The following NPHP3 variants were observed in gnomAD, a reference collection of about 807,000 sequenced individuals.
NPHP3 encodes nephrocystin-3.
Under a neutral mutation model 171.9 loss-of-function variants are expected in NPHP3, and 123 were observed. That is an observed-to-expected ratio of 0.72 (90% confidence interval 0.62 to 0.83). NPHP3 has a LOEUF of 0.83. NPHP3 is among the 40% of genes least tolerant of loss of function. The pLI is 0.00. For missense variants in NPHP3, 1,506 were observed against 1,591.9 expected (o/e 0.95, Z 0.92); for synonymous variants, 558 against 579.2 (o/e 0.96, Z 0.52).
At chr3:132,718,170 G>A in intron 3 of NPHP3, 1 of 429,054 alleles carries the variant, frequency 2.3e-6, no homozygotes, top group Non-Finnish European at 4.6e-6. Context: ...ACTCCAAAAT[G>A]CATCCATTTG....
rs1286115861 is a variant in NPHP3 at position 132,692,717 on chromosome 3, G to A, written c.2412C>T (p.His804=). ...MSWTFLTSLI[H]SLYKMCLLTY... The stretch of plus-strand genomic sequence containing the variant: ...TCAACAAACACATTTTGTATAAACT[G>A]TGAATAAGGGAGGTCAAGAAAGTCC... The change falls in exon 17 of 27, where the codon CAC becomes CAT. Residue 804 remains histidine (H), a synonymous_variant. Transcript: ENST00000337331. 1 of 1,613,876 alleles carries A rather than the reference G, an allele frequency of 6.2e-7. No homozygotes were observed. The highest frequency in any genetic ancestry group is 8.5e-7 in the Non-Finnish European group (1 of 1,179,904).
chr3:132,702,070 C>A (rs75934653), intron 9 of NPHP3, among the ~76,000 whole-genome samples: 4,305 of 152,174 alleles, frequency 0.028, 209 homozygotes, highest in African/African-American at 0.098. Context: ...GCCCCAATTT[C>A]TTCTACATGT....
Position 132,722,302 on chromosome 3 carries a change from G to A in NPHP3, c.54C>T (p.Asp18=). The change falls in exon 1 of 27, where the codon GAC becomes GAT. Residue 18 remains aspartate (D), a synonymous_variant. Coordinates refer to ENST00000337331, the MANE Select transcript of NPHP3 (RefSeq NM_153240.5). ...CCTCGCCGCCGCCCGCCCCGTACGT[G>A]TCCTCGATCACTTCCCCGCCCGCGG... ...VSPAGGEVIE[D]TYGAGGGEAC... 1 of 1,581,614 alleles carries A rather than the reference G, an allele frequency of 6.3e-7. No individual in the cohort carries two copies. The highest frequency in any genetic ancestry group is 8.5e-7 in the Non-Finnish European group (1 of 1,172,862).
At position 132,719,045 on chromosome 3, in the gene NPHP3, C is replaced by A; in HGVS notation, c.619G>T (p.Val207Leu). The A allele has an allele frequency of 6.2e-7, 1 of 1,614,068 alleles. No homozygotes were observed. Among genetic ancestry groups the A allele is most frequent in the South Asian group, 1.1e-5 (1 of 91,078 alleles). The change falls in exon 3 of 27, where the codon GTA becomes TTA. Residue 207 changes from valine (V) to leucine (L), a missense_variant. Val to Leu is a conservative substitution (Grantham distance 32). Coordinates refer to ENST00000337331, the MANE Select transcript of NPHP3 (RefSeq NM_153240.5). ...LQRLQAQGIQ[V>L]FDPGESDSDD... The stretch of plus-strand genomic sequence containing the variant: ...GAATCAGACTCCCCAGGATCAAATA[C>A]TTGGATACCCTGAGCCTGTAGCCTC...
chr3:132,716,788 A>T lies in NPHP3; in HGVS notation c.792T>A (p.Asp264Glu), dbSNP rs1940063604. 1 of 1,614,032 alleles carries T rather than the reference A, an allele frequency of 6.2e-7. No individual in the cohort carries two copies. Among genetic ancestry groups the T allele is most frequent in the Non-Finnish European group, 8.5e-7 (1 of 1,180,010 alleles). Residue 264 changes from aspartate to glutamate, a missense_variant, in exon 4 of 27, where the codon GAT (aspartate) becomes GAA (glutamate). By Grantham distance (45) the Asp-to-Glu change is conservative. Around this residue, in one of 3 missense-constraint regions of NPHP3, gnomAD observed 930 missense variants for 924.9 expected, o/e 1.01. Coordinates refer to ENST00000337331, the MANE Select transcript of NPHP3 (RefSeq NM_153240.5). ...RGPEFAHSSIDVEGPFANVNR... is the reference protein window; with the variant it reads ...RGPEFAHSSIEVEGPFANVNR... ...TAACATTTGCAAAGGGTCCTTCCAC[A>T]TCTATAGAACTATGGGCAAACTCAG...
intron 23 of NPHP3, 32 bp downstream of exon 23, chr3:132,686,228 A>G: frequency 6.2e-7 from 1 of 1,606,456 alleles, no homozygotes; most frequent in South Asian, 1.1e-5. Context: ...AAAATGGTTA[A>G]TTATTTTCAT....
At chr3:132,709,272 CTTTTTTTTTTTT>C (rs3046397) in intron 6 of NPHP3, among the ~76,000 whole-genome samples, 1 of 75,966 alleles carries the variant, frequency 1.3e-5, no homozygotes, top group African/African-American at 5.5e-5. Flanking sequence ...CTTTCTCTCC[CTTTTTTTTTTTT>C]TTTTTTTTTT....
chr3:132,705,678 A>G, intron 8 of NPHP3, 62 bp downstream of exon 8: 1 of 923,520 alleles, frequency 1.1e-6, no homozygotes, highest in Non-Finnish European at 1.8e-6. Flanking sequence ...TGGAAAAATC[A>G]ATTTCATAGA....
chr3:132,721,540 G>T, intron 1 of NPHP3: 1 of 314,478 alleles, frequency 3.2e-6, no homozygotes, highest in Non-Finnish European at 6.3e-6. Context: ...GCCTTCTGAG[G>T]GGGTGGGCGC....
At chr3:132,701,576 T>C in intron 9 of NPHP3, 43 bp from the exon 10 acceptor site, 1 of 1,220,444 alleles carries the variant, frequency 8.2e-7, no homozygotes, top group Non-Finnish European at 1.2e-6. Context: ...AGCACATGCC[T>C]CTGAGACTAC....
Position 132,681,725 on chromosome 3 carries a change from C to A in NPHP3, c.*185G>T. ...CATATAATAGGAAAATTCTTTTAAA[C>A]AACTAAAACAGACATAATCACAATT... On this transcript the variant is annotated 3_prime_UTR_variant, in exon 27 of 27. Coordinates refer to ENST00000337331, the MANE Select transcript of NPHP3 (RefSeq NM_153240.5). 1 of 624,556 alleles carries A rather than the reference C, an allele frequency of 1.6e-6. No individual in the cohort carries two copies. Among genetic ancestry groups the A allele is most frequent in the South Asian group, 1.9e-5 (1 of 52,828 alleles). 38.7% of individuals were successfully genotyped at this position (624,556 alleles called of 1,614,324 possible). A position where few individuals can be genotyped will look rare whatever the true frequency, so the allele number is the denominator to read the frequency against.
Position 132,681,753 on chromosome 3 carries a change from A to T in NPHP3, c.*157T>A. On this transcript the variant is annotated 3_prime_UTR_variant, in exon 27 of 27. Coordinates refer to ENST00000337331, the MANE Select transcript of NPHP3 (RefSeq NM_153240.5). Reference sequence around the variant, plus strand: ...CTAAAACAGACATAATCACAATTCCAACTTAATGTAATCCAATACAACTTC... The same window carrying T: ...CTAAAACAGACATAATCACAATTCCTACTTAATGTAATCCAATACAACTTC... 1.4e-6 allele frequency: 1 copy of T among 692,226 alleles called. No homozygotes were observed. The highest frequency in any genetic ancestry group is 1.7e-5 in the South Asian group (1 of 58,690). 42.9% of individuals were successfully genotyped at this position (692,226 alleles called of 1,614,324 possible).
Position 132,688,783 on chromosome 3 carries a change from A to T in NPHP3, c.2992T>A (p.Trp998Arg), listed in dbSNP as rs1289028401. 1.2e-6 allele frequency: 2 copies of T among 1,614,074 alleles called. No homozygotes were observed. The highest frequency in any genetic ancestry group is 1.7e-6 in the Non-Finnish European group (2 of 1,179,982). Residue 998 changes from tryptophan to arginine, a missense_variant, in exon 21 of 27, where the codon TGG becomes AGG. Trp to Arg is a moderately radical substitution (Grantham distance 101, BLOSUM62 -3). This residue lies in a region of NPHP3 where 569 missense variants were observed against 648.1 expected (regional missense o/e 0.88). Coordinates refer to ENST00000337331, the MANE Select transcript of NPHP3 (RefSeq NM_153240.5). ...LHQLASVYVQWKKFGNAEQLY... is the reference protein window; with the variant it reads ...LHQLASVYVQRKKFGNAEQLY... ...TGTTCTGCATTGCCAAACTTCTTCC[A>T]CTGCACGTATACACTTGCTAGTTGG...
In NPHP3 at chr3:132,722,005, G is replaced by C; in HGVS notation, c.351C>G (p.Ala117=). ...GCCGCTTGTTCTCCGTGTCCAGCTT[G>C]GCCTCGCGGCGGCCCATGGACAACA... is the stretch of plus-strand genomic sequence containing the variant. ...QELLSMGRRE[A]KLDTENKRLR... is the part of the protein sequence containing the mutation. The change falls in exon 1 of 27, where the codon GCC becomes GCG. Residue 117 remains alanine, a synonymous_variant. Coordinates refer to ENST00000337331, the MANE Select transcript of NPHP3 (RefSeq NM_153240.5). 6.2e-7 allele frequency: 1 copy of C among 1,613,172 alleles called. No homozygotes were observed. Among genetic ancestry groups the C allele is most frequent in the South Asian group, 1.1e-5 (1 of 91,086 alleles).
At position 132,684,626 on chromosome 3, in the gene NPHP3, T is replaced by C; in HGVS notation, c.3498A>G (p.Arg1166=). ...AAGGGTGATCAGGAGCTAATGCACG[T>C]CTCCGAATATCTAAAGCTCTTTCAT... ...ELYERALDIR[R]RALAPDHPSL... The change falls in exon 24 of 27, where the codon AGA becomes AGG. Residue 1166 remains arginine (R), a synonymous_variant. Transcript: ENST00000337331. 6.2e-7 allele frequency: 1 copy of C among 1,614,050 alleles called. No individual in the cohort carries two copies. Among genetic ancestry groups the C allele is most frequent in the South Asian group, 1.1e-5 (1 of 91,076 alleles).
chr3:132,721,622 C>T (rs1310203225), intron 1 of NPHP3: 4 of 426,962 alleles, frequency 9.4e-6, no homozygotes, highest in African/African-American at 6.1e-5. Context: ...CTTCTAGGTG[C>T]CTCAATGAAT....
In NPHP3 at chr3:132,689,133, A is replaced by G. The variant is rs1939236486; in HGVS notation, c.2824T>C (p.Leu942=). 1.9e-6 allele frequency: 3 copies of G among 1,614,166 alleles called. No individual in the cohort carries two copies. Among genetic ancestry groups the G allele is most frequent in the Non-Finnish European group, 2.5e-6 (3 of 1,180,010 alleles). Residue 942 remains leucine, a synonymous_variant, in exon 20 of 27, where the codon TTA becomes CTA. Transcript: ENST00000337331. ...NCEGEDNMSC[L]ADLYETLGRF... ...CCCAAGGTTTCATAAAGATCAGCTA[A>G]GCAACTCATGTTGTCCTCGCCTTCG...
chr3:132,713,698 C>A (rs1344569809), intron 5 of NPHP3, among the ~76,000 whole-genome samples: 1 of 152,032 alleles, frequency 6.6e-6, no homozygotes, highest in Non-Finnish European at 1.5e-5. Context: ...AACGCTAAAG[C>A]AGAGCGATAT....
intron 25 of NPHP3, among the ~76,000 whole-genome samples, chr3:132,683,188 C>A (rs1377117723): frequency 3.3e-5 from 5 of 152,088 alleles, no homozygotes; most frequent in Non-Finnish European, 7.4e-5. Flanking sequence ...AGAAACTAAG[C>A]CTATGCTCTG....
Sources: allele counts gnomAD v4.1 joint callset (sites outside exome capture counted in the v4.1 genomes callset), GRCh38; gene constraint gnomAD v4.1.1; regional missense constraint gnomAD v4.1.1; transcripts MANE v1.5; gene names NCBI Gene and HGNC (gene_info 2026-07-23, HGNC 2026-07-21).